Variants in LARP4B observed in about 807,000 individuals in gnomAD.
LARP4B encodes the protein la-related protein 4B.
Under a neutral mutation model 89.8 loss-of-function variants are expected in LARP4B, and 12 were observed. The ratio of observed to expected loss-of-function variants is 0.13; its 90% CI spans 0.09 to 0.22. The LOEUF (loss-of-function observed/expected upper bound fraction) is 0.22, where lower values mean the gene tolerates loss of function less well. Among genes scored for constraint, LARP4B ranks in the 10% least tolerant of loss-of-function variants. The pLI, the probability that LARP4B is intolerant of heterozygous loss-of-function variation, is 1.00. For synonymous variants in LARP4B, 367 were observed against 363.3 expected, an observed-to-expected ratio of 1.01 and a Z score of -0.12; for missense variants, 757 against 947.7, an observed-to-expected ratio of 0.80 and a Z score of 2.64.
At chr10:957,800 CT>C in the LARP4B span, among the ~76,000 whole-genome samples, 27,992 of 124,718 alleles carry the variant, frequency 0.22, 2,670 homozygotes, top group African/African-American at 0.33. Flanking sequence ...CATTTTCTTT[CT>C]TTTTTTTTTT....
the LARP4B span, among the ~76,000 whole-genome samples, chr10:968,398 C>A: frequency 6.6e-6 from 1 of 152,126 alleles, no homozygotes; most frequent in African/African-American, 2.4e-5. Context: ...ACTTAGCAAC[C>A]CTTTATTAGC....
chr10:866,461 G>A (rs1834900149), intron 3 of LARP4B, among the ~76,000 whole-genome samples: 1 of 152,240 alleles, frequency 6.6e-6, no homozygotes, highest in African/African-American at 2.4e-5. Context: ...GAAGGAAGCA[G>A]ACAGGAGCTC....
At chr10:870,633 G>A (rs74118452) in intron 3 of LARP4B, among the ~76,000 whole-genome samples, 5 of 152,150 alleles carry the variant, frequency 3.3e-5, no homozygotes, top group African/African-American at 4.8e-5. Flanking sequence ...TGGTGTGCAC[G>A]TTCACTCGTC....
intron 3 of LARP4B, among the ~76,000 whole-genome samples, chr10:880,874 T>C (rs938142139): frequency 2.6e-5 from 4 of 152,226 alleles, no homozygotes; most frequent in African/African-American, 9.6e-5. Flanking sequence ...TAATATTACC[T>C]GTCCCTTAAA....
intron 12 of LARP4B, 108 bp from the exon 13 acceptor site, chr10:825,424 A>T: frequency 9.2e-7 from 1 of 1,087,268 alleles, no homozygotes; most frequent in South Asian, 1.5e-5. Context: ...TCTGTTTAAT[A>T]AAGTATAAAA....
At chr10:967,275 C>G in the LARP4B span, among the ~76,000 whole-genome samples, 18,336 of 152,170 alleles carry the variant, frequency 0.12, 1,497 homozygotes, top group Non-Finnish European at 0.18. Context: ...AATAAAAATG[C>G]TAGAATTTAC....
chr10:820,470 G>A (rs751113553), intron 14 of LARP4B: 14 of 267,516 alleles, frequency 5.2e-5, no homozygotes, highest in South Asian at 2.8e-4. Context: ...CAGACTCTCC[G>A]GTACAGCTGC....
chr10:808,644 T>C (rs1294105246), downstream of LARP4B: 4 of 151,860 alleles, frequency 2.6e-5, no homozygotes, highest in African/African-American at 9.7e-5. Context: ...AAAGAAACTT[T>C]CCACATGGCA....
the LARP4B span, chr10:987,405 G>A: frequency 6.6e-6 from 1 of 152,236 alleles, no homozygotes; most frequent in Admixed American, 6.5e-5. Context: ...GGGCATCCCA[G>A]ATGCGTGAGA....
At chr10:872,381 G>A (rs1378756675) in intron 3 of LARP4B, among the ~76,000 whole-genome samples, 1 of 152,222 alleles carries the variant, frequency 6.6e-6, no homozygotes, top group African/African-American at 2.4e-5. Flanking sequence ...TGAAGGCACT[G>A]AAGAGCAACA....
At chr10:935,823 A>G (rs1180976211), upstream of LARP4B, among the ~76,000 whole-genome samples, 2 of 138,594 alleles carry the variant, frequency 1.4e-5, no homozygotes, top group African/African-American at 5.5e-5. Context: ...AGTTCAAGTG[A>G]TTCTCCTGCC....
intron 5 of LARP4B, 22 bp downstream of exon 5, chr10:863,720 AT>A: frequency 6.4e-7 from 1 of 1,568,826 alleles, no homozygotes; most frequent in African/African-American, 1.4e-5. Flanking sequence ...CCCTGGGAAA[AT>A]GCACCCATAA....
intron 5 of LARP4B, among the ~76,000 whole-genome samples, chr10:861,408 G>A (rs770486368): frequency 1.3e-5 from 2 of 152,136 alleles, no homozygotes; most frequent in African/African-American, 2.4e-5. Context: ...ATTGTACATC[G>A]GTTATGCCTC....
At chr10:975,108 T>C in the LARP4B span, among the ~76,000 whole-genome samples, 5 of 152,340 alleles carry the variant, frequency 3.3e-5, no homozygotes, top group East Asian at 7.7e-4. Context: ...TCAGAGGAAG[T>C]CACTTACATA....
intron 6 of LARP4B, among the ~76,000 whole-genome samples, chr10:844,230 G>A (rs1833665664): frequency 1.3e-5 from 2 of 152,368 alleles, no homozygotes; most frequent in South Asian, 2.1e-4. Context: ...GCTCACACTT[G>A]TGCTCCACTA....
At chr10:974,968 G>GGAGGCTCAA in the LARP4B span, among the ~76,000 whole-genome samples, 8 of 152,212 alleles carry the variant, frequency 5.3e-5, no homozygotes, top group Non-Finnish European at 7.3e-5. Context: ...GGCAGGCTCA[G>GGAGGCTCAA]GAGGCTCAAG....
chr10:939,181 C>T, the LARP4B span, among the ~76,000 whole-genome samples: 8 of 152,224 alleles, frequency 5.3e-5, no homozygotes, highest in African/African-American at 1.9e-4. Flanking sequence ...CTGGGTCTCC[C>T]AGCCTGGGAA....
intron 1 of LARP4B, among the ~76,000 whole-genome samples, chr10:895,734 TACTC>T (rs1169062478): frequency 4.0e-5 from 6 of 148,850 alleles, no homozygotes; most frequent in African/African-American, 1.5e-4. Context: ...TTACTTAAAA[TACTC>T]ACAAAAACTG....
chr10:856,874 C>A (rs145302164), intron 5 of LARP4B, among the ~76,000 whole-genome samples: 328 of 152,258 alleles, frequency 2.2e-3, no homozygotes, highest in African/African-American at 7.5e-3. Flanking sequence ...CAGAGCAGAA[C>A]ATACCTAGAG....
Sources: allele counts gnomAD v4.1 joint callset (sites outside exome capture counted in the v4.1 genomes callset), GRCh38; gene constraint gnomAD v4.1.1; transcripts MANE v1.5; gene names NCBI Gene and HGNC (gene_info 2026-07-23, HGNC 2026-07-21).